LRMDA: variants seen among roughly 807,000 people sequenced by gnomAD.
LRMDA encodes leucine-rich melanocyte differentiation-associated protein.
Under a neutral mutation model 29.8 loss-of-function variants are expected in LRMDA, and 18 were observed. That is an observed-to-expected ratio of 0.60 (90% CI 0.42 to 0.90). The LOEUF (loss-of-function observed/expected upper bound fraction) is 0.90. Among genes scored for constraint, LRMDA ranks in the 40% least tolerant of loss-of-function variants. The pLI is 0.00. For synonymous variants in LRMDA, 125 were observed against 109.4 expected (o/e 1.14, Z -0.89); for missense variants, 273 against 273.9 (o/e 1.00, Z 0.02).
intron 2 of LRMDA, among the ~76,000 whole-genome samples, chr10:75,778,481 T>C (rs1328428678): frequency 6.6e-6 from 1 of 152,200 alleles, no homozygotes; most frequent in Non-Finnish European, 1.5e-5. Flanking sequence ...AACATCCATG[T>C]TATTGGAGGC....
intron 6 of LRMDA, chr10:76,438,618 G>A (rs370906458): frequency 5.3e-5 from 8 of 152,014 alleles, no homozygotes; most frequent in East Asian, 3.9e-4. Context: ...CTTTTCCCCC[G>A]TTTTCTGAGT....
intron 5 of LRMDA, among the ~76,000 whole-genome samples, chr10:76,161,104 A>G (rs939590193): frequency 1.3e-5 from 2 of 152,204 alleles, no homozygotes; most frequent in Non-Finnish European, 2.9e-5. Flanking sequence ...GAGGGAAACA[A>G]GACAACACTC....
intron 2 of LRMDA, among the ~76,000 whole-genome samples, chr10:75,813,141 T>C (rs1430641714): frequency 6.6e-6 from 1 of 152,118 alleles, no homozygotes; most frequent in Non-Finnish European, 1.5e-5. Flanking sequence ...AGGATAGGAA[T>C]GGATAGGCAA....
At chr10:75,764,097 A>T (rs1432323082) in intron 2 of LRMDA, among the ~76,000 whole-genome samples, 2 of 151,954 alleles carry the variant, frequency 1.3e-5, no homozygotes, top group African/African-American at 4.8e-5. Context: ...GCCCAGATTT[A>T]TTTCATGCTT....
intron 2 of LRMDA, among the ~76,000 whole-genome samples, chr10:75,980,899 A>T (rs1847157154): frequency 6.6e-6 from 1 of 152,198 alleles, no homozygotes; most frequent in South Asian, 2.1e-4. Context: ...TACTGCTTCT[A>T]ATATTAACCC....
intron 5 of LRMDA, among the ~76,000 whole-genome samples, chr10:76,195,439 T>C (rs1851316597): frequency 6.6e-6 from 1 of 152,290 alleles, no homozygotes; most frequent in East Asian, 1.9e-4. Flanking sequence ...GCACCTTTGA[T>C]TGCCCCATAC....
chr10:76,363,846 T>C (rs1417681437), intron 6 of LRMDA, among the ~76,000 whole-genome samples: 1 of 152,162 alleles, frequency 6.6e-6, no homozygotes, highest in African/African-American at 2.4e-5. Context: ...TATAAAATGT[T>C]CCCAAAGACA....
At chr10:76,296,292 G>A (rs773510737) in intron 5 of LRMDA, among the ~76,000 whole-genome samples, 1 of 152,334 alleles carries the variant, frequency 6.6e-6, no homozygotes, top group Non-Finnish European at 1.5e-5. Flanking sequence ...TGAGGCCAAG[G>A]TTGCACGTTT....
chr10:75,606,189 G>A (rs1840954400), intron 2 of LRMDA, among the ~76,000 whole-genome samples: 2 of 125,200 alleles, frequency 1.6e-5, no homozygotes, highest in South Asian at 4.2e-4. Flanking sequence ...GATAAGTAAA[G>A]TTCACTGCTG....
chr10:75,716,339 G>A (rs773558462), intron 2 of LRMDA, among the ~76,000 whole-genome samples: 1 of 152,124 alleles, frequency 6.6e-6, no homozygotes, highest in Non-Finnish European at 1.5e-5. Context: ...ATTAACCTTG[G>A]AAACCTTTTA....
chr10:76,221,694 C>G (rs1217009041), intron 5 of LRMDA, among the ~76,000 whole-genome samples: 2 of 152,092 alleles, frequency 1.3e-5, no homozygotes, highest in African/African-American at 4.8e-5. Flanking sequence ...CCATACTGCC[C>G]AAGGTAATTT....
At chr10:75,590,945 T>A (rs567428215) in intron 2 of LRMDA, among the ~76,000 whole-genome samples, 199 of 152,166 alleles carry the variant, frequency 1.3e-3, no homozygotes, top group Middle Eastern at 3.4e-3. Flanking sequence ...GGTTTCACCA[T>A]GTTGGCCAGG....
At chr10:75,869,159 C>T (rs1361663428) in intron 2 of LRMDA, among the ~76,000 whole-genome samples, 2 of 152,178 alleles carry the variant, frequency 1.3e-5, no homozygotes, top group Non-Finnish European at 2.9e-5. Context: ...ATTTTCACAT[C>T]CACTAGCTCT....
chr10:76,258,175 T>A (rs1839891253), intron 5 of LRMDA, among the ~76,000 whole-genome samples: 1 of 152,216 alleles, frequency 6.6e-6, no homozygotes, highest in African/African-American at 2.4e-5. Flanking sequence ...TTTTGCAGCC[T>A]TTTTTGTGAA....
At chr10:76,489,795 T>C (rs1842814978) in intron 6 of LRMDA, among the ~76,000 whole-genome samples, 1 of 151,804 alleles carries the variant, frequency 6.6e-6, no homozygotes. Context: ...CTAAAGAATG[T>C]ACTCATGTAA....
intron 6 of LRMDA, among the ~76,000 whole-genome samples, chr10:76,453,378 A>G (rs958594916): frequency 1.3e-5 from 2 of 152,196 alleles, no homozygotes; most frequent in South Asian, 4.1e-4. Context: ...TATGAATTCA[A>G]ATAGGAGCCA....
chr10:75,551,576 A>T (rs943037808), intron 2 of LRMDA, among the ~76,000 whole-genome samples: 5 of 151,788 alleles, frequency 3.3e-5, no homozygotes, highest in African/African-American at 1.2e-4. Flanking sequence ...GAATGAGAAC[A>T]TGTGGTGTTT....
intron 4 of LRMDA, 34 bp from the exon 5 acceptor site, chr10:76,058,632 A>G (rs758854085): frequency 1.3e-6 from 2 of 1,561,442 alleles, no homozygotes; most frequent in Admixed American, 1.7e-5. Flanking sequence ...TGCCACTCAA[A>G]CTTCCTGAGT....
rs368242746 is a variant in LRMDA at position 75,802,525 on chromosome 10, C to T, written c.132-233483C>T. Among the ~76,000 whole-genome samples, 9 of 152,224 alleles carry T rather than the reference C, an allele frequency of 5.9e-5. No individual in the cohort carries two copies. In the East Asian group the frequency reaches 9.7e-4, roughly 16 times the overall value. On this transcript the variant is annotated intron_variant, in intron 2 of 6. Coordinates refer to ENST00000611255, the MANE Select transcript of LRMDA (RefSeq NM_001305581.2). ...AATGATTAGCTAATTATAAAGCTGC[C>T]GTTCTGTCCTTGGACTGATAGCTGG...
Sources: allele counts gnomAD v4.1 joint callset (sites outside exome capture counted in the v4.1 genomes callset), GRCh38; gene constraint gnomAD v4.1.1; transcripts MANE v1.5; gene names NCBI Gene and HGNC (gene_info 2026-07-23, HGNC 2026-07-21).